CCDC190: variants seen among roughly 807,000 people sequenced by gnomAD.
CCDC190 encodes the protein coiled-coil domain containing 190.
In CCDC190, 10 loss-of-function variants were observed where a neutral mutation model predicts 13.1. The observed-to-expected ratio is 0.77, with a 90% CI of 0.47 to 1.30. The LOEUF (loss-of-function observed/expected upper bound fraction) is 1.30, where lower values mean the gene tolerates loss of function less well. Ranked by LOEUF, CCDC190 falls within the 50% of genes most tolerant of loss-of-function variation. The pLI, the probability that CCDC190 is intolerant of heterozygous loss-of-function variation, is 0.00. For synonymous variants in CCDC190, 136 were observed against 127.2 expected, an observed-to-expected ratio of 1.07 and a Z score of -0.47; for missense variants, 375 against 354.3, an observed-to-expected ratio of 1.06 and a Z score of -0.47.
At chr1:162,857,170 T>C (rs1306363014) in intron 2 of CCDC190, among the ~76,000 whole-genome samples, 11 of 152,180 alleles carry the variant, frequency 7.2e-5, no homozygotes, top group Admixed American at 7.2e-4. Context: ...ACAATTCTAC[T>C]TTCTAAATAT....
At chr1:162,857,412 C>A (rs73030416) in intron 2 of CCDC190, among the ~76,000 whole-genome samples, 1 of 152,152 alleles carries the variant, frequency 6.6e-6, no homozygotes. Context: ...ACCTGTGAAG[C>A]CATTCATGAT....
chr1:162,861,436 C>T (rs1476612588), upstream of CCDC190, among the ~76,000 whole-genome samples: 2 of 144,280 alleles, frequency 1.4e-5, no homozygotes, highest in African/African-American at 2.6e-5. Flanking sequence ...CGTTTCTCTC[C>T]ATTTTTTTTT....
In CCDC190 at chr1:162,854,725, G is replaced by A; in HGVS notation, c.*40C>T. On this transcript the variant is annotated 3_prime_UTR_variant, in exon 4 of 4. Coordinates refer to ENST00000367912, the MANE Select transcript of CCDC190 (RefSeq NM_001394065.1). ...GTCATTTGAGGAACACATTTCCTTA[G>A]CAATAATGGCATATGTTATTGTCAG... is the stretch of plus-strand genomic sequence containing the variant. 6.5e-7 allele frequency: 1 copy of A among 1,546,120 alleles called. No homozygotes were observed. Among genetic ancestry groups the A allele is most frequent in the Non-Finnish European group, 8.7e-7 (1 of 1,146,490 alleles).
In CCDC190 at chr1:162,854,665, ATGTT is replaced by A. The variant is rs1191243233; in HGVS notation, c.*96_*99del. 3 of 1,455,918 alleles carry A rather than the reference ATGTT, an allele frequency of 2.1e-6. No homozygotes were observed. Among genetic ancestry groups the A allele is most frequent in the East Asian group, 2.3e-5 (1 of 42,914 alleles). The allele number at this position is 1,455,918 out of a possible 1,614,324, so 90.2% of individuals were successfully genotyped here. ...TTTAAAATAAAATTGTAATTCAATT[ATGTT>A]TGTTTGTTTTTCTCTGTATTGCTTA... On this transcript the variant is annotated 3_prime_UTR_variant, in exon 4 of 4. Coordinates refer to ENST00000367912, the MANE Select transcript of CCDC190 (RefSeq NM_001394065.1).
chr1:162,855,841 G>A, intron 2 of CCDC190, 86 bp from the exon 3 acceptor site: 1 of 1,222,436 alleles, frequency 8.2e-7, no homozygotes, highest in South Asian at 1.5e-5. Flanking sequence ...AGTACCTTAG[G>A]GTGGGACCTT....
At chr1:162,856,368 G>T (rs762604516) in intron 2 of CCDC190, among the ~76,000 whole-genome samples, 2 of 152,180 alleles carry the variant, frequency 1.3e-5, no homozygotes, top group Non-Finnish European at 2.9e-5. Context: ...AAGATCAGAG[G>T]TTTAAACCAG....
At chr1:162,857,080 G>A (rs1468379186) in intron 2 of CCDC190, among the ~76,000 whole-genome samples, 1 of 152,162 alleles carries the variant, frequency 6.6e-6, no homozygotes, top group Non-Finnish European at 1.5e-5. Context: ...GCTCGTTTGA[G>A]CGCCTACTTT....
intron 2 of CCDC190, among the ~76,000 whole-genome samples, chr1:162,857,723 G>A (rs1415474794): frequency 6.6e-6 from 1 of 152,040 alleles, no homozygotes. Context: ...ACCTTTTTAT[G>A]TTCCTGCCCT....
intron 1 of CCDC190, among the ~76,000 whole-genome samples, chr1:162,867,708 T>A (rs190214925): frequency 6.6e-6 from 1 of 152,252 alleles, no homozygotes; most frequent in Admixed American, 6.5e-5. Flanking sequence ...AGTGAACTGA[T>A]AAACAAATTG....
rs1477719805 is a variant in CCDC190 at position 162,851,924 on chromosome 1, G to C, written c.*2841C>G. ...ACACATGCCCTTCCCCATCTTCTTTGAGAGGAGAGTATGGGAAAAGAGTAC... is the reference window on the plus strand; with the variant it reads ...ACACATGCCCTTCCCCATCTTCTTTCAGAGGAGAGTATGGGAAAAGAGTAC... On this transcript the variant is annotated 3_prime_UTR_variant, in exon 4 of 4. Transcript: ENST00000367912. The C allele has an allele frequency of 2.0e-5, 3 of 152,200 alleles. No individual in the cohort carries two copies. Among genetic ancestry groups the C allele is most frequent in the Admixed American group, 1.3e-4 (2 of 15,280 alleles). The allele number at this position is 152,200 out of a possible 1,614,324, so 9.4% of individuals were successfully genotyped here.
rs759526762 is a variant in CCDC190, at chr1:162,861,157, C to T, written c.-162G>A. The T allele has an allele frequency of 4.0e-5, 11 of 276,534 alleles. No individual in the cohort carries two copies. Among genetic ancestry groups the T allele is most frequent in the South Asian group, 1.4e-4 (1 of 7,214 alleles). 17.1% of individuals were successfully genotyped at this position (276,534 alleles called of 1,614,324 possible). ...AGAGGGAGACCATTGGAGAGGGCTGCGAGGAGAATGTTAAATACACTTGAA... is the reference window on the plus strand; with the variant it reads ...AGAGGGAGACCATTGGAGAGGGCTGTGAGGAGAATGTTAAATACACTTGAA... On this transcript the variant is annotated 5_prime_UTR_variant, in exon 1 of 4. Coordinates refer to ENST00000367912, the MANE Select transcript of CCDC190 (RefSeq NM_001394065.1).
upstream of CCDC190, among the ~76,000 whole-genome samples, chr1:162,866,041 A>T (rs531533041): frequency 6.6e-6 from 1 of 152,392 alleles, no homozygotes; most frequent in Non-Finnish European, 1.5e-5. Context: ...ATCAATATAC[A>T]AAATATGTTT....
At position 162,853,600 on chromosome 1, in the gene CCDC190, G is replaced by A. The variant is rs1318688552; in HGVS notation, c.*1165C>T. On this transcript the variant is annotated 3_prime_UTR_variant, in exon 4 of 4. Transcript: ENST00000367912. ...TTCAGGCCCTTTGTAATATTAGTAG[G>A]TTGGGGTCCTTTATCATTTCTGAGC... 1.3e-5 allele frequency among the ~76,000 whole-genome samples: 2 copies of A among 152,114 alleles called. No homozygotes were observed. Among genetic ancestry groups the A allele is most frequent in the Non-Finnish European group, 2.9e-5 (2 of 68,020 alleles).
At chr1:162,859,971 A>G (rs1291975767) in intron 1 of CCDC190, among the ~76,000 whole-genome samples, 1 of 152,128 alleles carries the variant, frequency 6.6e-6, no homozygotes, top group African/African-American at 2.4e-5. Context: ...TGGAAAAAAA[A>G]AAAAAAGGCA....
At chr1:162,861,422 T>C (rs1650510576), upstream of CCDC190, among the ~76,000 whole-genome samples, 1 of 150,006 alleles carries the variant, frequency 6.7e-6, no homozygotes. Context: ...TCCTACCCTT[T>C]CCTCGTTTCT....
upstream of CCDC190, among the ~76,000 whole-genome samples, chr1:162,861,486 C>T (rs1650515682): frequency 6.6e-6 from 1 of 151,672 alleles, no homozygotes; most frequent in Admixed American, 6.6e-5. Flanking sequence ...AACCTTCATT[C>T]CTACTTCTTG....
chr1:162,855,154 C>A lies in CCDC190; in HGVS notation c.517G>T (p.Gly173Cys), dbSNP rs200534408. The change falls in exon 4 of 4, where the codon GGC becomes TGC. Residue 173 changes from glycine (G) to cysteine (C), a missense_variant. Transcript: ENST00000367912. ...NPSKDVDPSK[G>C]ISVPCQNQEV... Reference sequence around the variant, plus strand: ...TGATTTTGGCATGGAACAGAGATGCCCTTGCTGGGGTCTACGTCCTTAGAT... The same window carrying A: ...TGATTTTGGCATGGAACAGAGATGCACTTGCTGGGGTCTACGTCCTTAGAT... 1.2e-6 allele frequency: 2 copies of A among 1,613,842 alleles called. No homozygotes were observed. Among genetic ancestry groups the A allele is most frequent in the South Asian group, 2.2e-5 (2 of 91,080 alleles).
chr1:162,853,468 T>C lies in CCDC190; in HGVS notation c.*1297A>G, dbSNP rs112750035. On this transcript the variant is annotated 3_prime_UTR_variant, in exon 4 of 4. Coordinates refer to ENST00000367912, the MANE Select transcript of CCDC190 (RefSeq NM_001394065.1). ...TAGGAGCTATTAGGAATTACTATTT[T>C]TAAACACAAGGAATTCTAAATCTGA... is the stretch of plus-strand genomic sequence containing the variant. 3.3e-3 allele frequency among the ~76,000 whole-genome samples: 506 copies of C among 152,344 alleles called. 2 individuals are homozygous for C. The highest frequency in any genetic ancestry group is 0.012 in the African/African-American group (488 of 41,574).
chr1:162,865,080 T>A (rs142815921), upstream of CCDC190, among the ~76,000 whole-genome samples: 39 of 152,140 alleles, frequency 2.6e-4, no homozygotes, highest in East Asian at 6.8e-3. Context: ...TATACCATGC[T>A]AACACTAAAT....
Sources: gnomAD v4.1 joint callset for allele counts (sites outside exome capture counted in the v4.1 genomes callset) on GRCh38, gnomAD v4.1.1 for gene constraint, MANE v1.5 for transcripts, NCBI Gene and HGNC (gene_info 2026-07-23, HGNC 2026-07-21) for gene names.